PTPRD: variants seen among roughly 807,000 people sequenced by gnomAD.
PTPRD encodes the protein protein tyrosine phosphatase receptor type D.
A neutral mutation model predicts 214.5 loss-of-function variants in PTPRD; 34 were observed. That is an observed-to-expected ratio of 0.16 (90% CI 0.12 to 0.21). The LOEUF (loss-of-function observed/expected upper bound fraction) is 0.21, where lower values mean the gene tolerates loss of function less well. PTPRD is among the 10% of genes least tolerant of loss of function. The pLI is 1.00. For missense variants in PTPRD, 2,545 were observed against 2,398.7 expected (o/e 1.06, Z -1.27); for synonymous variants, 1,128 against 845.7 (o/e 1.33, Z -5.79).
At chr9:10,488,184 G>T (rs561798705) in intron 2 of PTPRD, among the ~76,000 whole-genome samples, 5 of 151,822 alleles carry the variant, frequency 3.3e-5, no homozygotes, top group African/African-American at 7.3e-5. Flanking sequence ...TGGCTAACAC[G>T]ATGAAACCCC....
rs550749953 is a variant in PTPRD, at chr9:9,607,979, T to G, written c.-286-33198A>C. On this transcript the variant is annotated intron_variant, in intron 7 of 45. Transcript: ENST00000381196. Reference sequence around the variant, plus strand: ...TTGGCAGTGAGGAAACAGTCTGGATTTGGGAGAGCAATCGATGGGTTAAAT... The same window carrying G: ...TTGGCAGTGAGGAAACAGTCTGGATGTGGGAGAGCAATCGATGGGTTAAAT... 4.1e-4 allele frequency among the ~76,000 whole-genome samples: 62 copies of G among 152,100 alleles called. 1 individual carries two copies. The highest frequency in any genetic ancestry group is 7.1e-4 in the Non-Finnish European group (48 of 68,020).
intron 11 of PTPRD, among the ~76,000 whole-genome samples, chr9:8,985,667 G>A: frequency 6.6e-6 from 1 of 151,506 alleles, no homozygotes. Context: ...AGATTCTACA[G>A]GTGTTAGGTG....
intron 10 of PTPRD, among the ~76,000 whole-genome samples, chr9:9,136,216 C>G (rs769132435): frequency 6.6e-6 from 1 of 152,076 alleles, no homozygotes; most frequent in Non-Finnish European, 1.5e-5. Flanking sequence ...ATGGCAAGCA[C>G]TAGAAGCTCA....
chr9:9,400,284 T>C (rs990131733), intron 8 of PTPRD, among the ~76,000 whole-genome samples: 1 of 151,944 alleles, frequency 6.6e-6, no homozygotes, highest in Non-Finnish European at 1.5e-5. Context: ...TCGTCTATTT[T>C]ACTCAAATGG....
intron 10 of PTPRD, among the ~76,000 whole-genome samples, chr9:9,066,718 G>C (rs984826): frequency 0.47 from 71,385 of 151,974 alleles, 17,421 homozygotes; most frequent in East Asian, 0.66. Context: ...CACAAAGGCA[G>C]AGATTGAAAT....
chr9:9,765,280 A>G (rs1477339708), intron 6 of PTPRD, among the ~76,000 whole-genome samples: 2 of 152,206 alleles, frequency 1.3e-5, no homozygotes, highest in South Asian at 4.1e-4. Flanking sequence ...CAGAAAACAT[A>G]GAGTATGTTT....
chr9:9,800,929 C>T (rs532123299), intron 5 of PTPRD, among the ~76,000 whole-genome samples: 55 of 152,224 alleles, frequency 3.6e-4, no homozygotes, highest in Middle Eastern at 6.8e-3. Context: ...AGGAGATACA[C>T]GATTAGTTGA....
Position 10,150,478 on chromosome 9 carries a change from G to T in PTPRD, c.-544-116688C>A, listed in dbSNP as rs542915359. ...TTGAACAACGAGAACACATGGACAC[G>T]GGGTGGGGAACATCACATACCGGGG... On this transcript the variant is annotated intron_variant, in intron 3 of 45. Coordinates refer to ENST00000381196, the MANE Select transcript of PTPRD (RefSeq NM_002839.4). Among the ~76,000 whole-genome samples the T allele has an allele frequency of 6.6e-5, 10 of 151,990 alleles. No individual in the cohort carries two copies. The South Asian group carries it at 2.1e-3, about 32-fold the overall frequency.
In PTPRD at chr9:10,431,136, GTCTCCTTTTATTGATTC is replaced by G. The variant is rs923219087; in HGVS notation, c.-599-90136_-599-90120del. ...TAAGCCTCTCAAGAGAGCTCTAAAA[GTCTCCTTTTATTGATTC>G]TCTCCTTTTATTTTCTTATTTTCCT... On this transcript the variant is annotated intron_variant, in intron 2 of 45. Coordinates refer to ENST00000381196, the MANE Select transcript of PTPRD (RefSeq NM_002839.4). 1.8e-4 allele frequency among the ~76,000 whole-genome samples: 27 copies of G among 151,836 alleles called. 1 individual carries two copies. The highest frequency in any genetic ancestry group is 1.8e-3 in the Admixed American group (27 of 15,200).
intron 5 of PTPRD, among the ~76,000 whole-genome samples, chr9:9,783,506 G>A (rs2098881583): frequency 6.6e-6 from 1 of 151,998 alleles, no homozygotes; most frequent in African/African-American, 2.4e-5. Context: ...GATGGCACTG[G>A]GAATACTGAG....
At chr9:9,475,255 A>G (rs762199614) in intron 8 of PTPRD, among the ~76,000 whole-genome samples, 3 of 152,220 alleles carry the variant, frequency 2.0e-5, no homozygotes, top group Non-Finnish European at 4.4e-5. Context: ...GACTCTCAGA[A>G]TATTTAACAA....
intron 7 of PTPRD, among the ~76,000 whole-genome samples, chr9:9,710,601 T>G (rs2097707424): frequency 6.6e-6 from 1 of 150,560 alleles, no homozygotes; most frequent in Admixed American, 6.6e-5. Context: ...TATCATCTAT[T>G]CTGTTTTTTT....
At chr9:8,568,531 T>C (rs1056677825) in intron 14 of PTPRD, among the ~76,000 whole-genome samples, 3 of 152,168 alleles carry the variant, frequency 2.0e-5, no homozygotes, top group Non-Finnish European at 4.4e-5. Context: ...GGCTGATTAT[T>C]AACCTTCGGT....
intron 10 of PTPRD, among the ~76,000 whole-genome samples, chr9:9,090,295 G>C (rs1002117508): frequency 6.6e-6 from 1 of 152,046 alleles, no homozygotes; most frequent in Non-Finnish European, 1.5e-5. Flanking sequence ...CCACATATAA[G>C]TGAGAACACG....
At chr9:8,967,750 T>C (rs2099207209) in intron 11 of PTPRD, among the ~76,000 whole-genome samples, 1 of 152,172 alleles carries the variant, frequency 6.6e-6, no homozygotes, top group Non-Finnish European at 1.5e-5. Flanking sequence ...GCTCAGTATG[T>C]ACAGGCAGGC....
intron 7 of PTPRD, among the ~76,000 whole-genome samples, chr9:9,720,075 G>A (rs774443544): frequency 1.2e-4 from 18 of 152,158 alleles, no homozygotes; most frequent in Non-Finnish European, 2.1e-4. Flanking sequence ...CTGAGTGGGT[G>A]AAACTAGCCC....
At chr9:9,752,753 A>G (rs935464794) in intron 6 of PTPRD, among the ~76,000 whole-genome samples, 5 of 152,186 alleles carry the variant, frequency 3.3e-5, no homozygotes, top group Admixed American at 2.6e-4. Flanking sequence ...CAATTTTAGA[A>G]AAATCGTTTT....
chr9:8,379,228 C>G (rs2084200351), intron 37 of PTPRD, among the ~76,000 whole-genome samples: 1 of 152,062 alleles, frequency 6.6e-6, no homozygotes, highest in African/African-American at 2.4e-5. Flanking sequence ...AAATAAATAT[C>G]CTAACGTATG....
intron 3 of PTPRD, among the ~76,000 whole-genome samples, chr9:10,040,707 TC>T (rs1389458108): frequency 6.6e-6 from 1 of 152,050 alleles, no homozygotes; most frequent in Non-Finnish European, 1.5e-5. Context: ...AAGAAAAGAT[TC>T]TTTTAAAAAT....
Sources: gnomAD v4.1 joint callset for allele counts (sites outside exome capture counted in the v4.1 genomes callset) on GRCh38, gnomAD v4.1.1 for gene constraint, MANE v1.5 for transcripts, NCBI Gene and HGNC (gene_info 2026-07-23, HGNC 2026-07-21) for gene names.